The following CAPN2 variants were observed in gnomAD, a reference collection of about 807,000 sequenced individuals.
CAPN2 encodes the protein calpain 2.
CAPN2 carries 92 observed loss-of-function variants against 102.3 expected under a neutral mutation model. The observed-to-expected ratio is 0.90, with a 90% CI of 0.76 to 1.07. The LOEUF is 1.07. Ranked by LOEUF, CAPN2 falls within the 50% of genes least tolerant of loss-of-function variation. The pLI, the probability that CAPN2 is intolerant of heterozygous loss-of-function variation, is 0.00. For missense variants in CAPN2, 800 were observed against 909.4 expected, an observed-to-expected ratio of 0.88 and a Z score of 1.55; for synonymous variants, 340 against 355.4, an observed-to-expected ratio of 0.96 and a Z score of 0.49.
At chr1:223,734,681 G>A (rs1258356650) in intron 2 of CAPN2, among the ~76,000 whole-genome samples, 1 of 152,088 alleles carries the variant, frequency 6.6e-6, no homozygotes, top group Non-Finnish European at 1.5e-5. Context: ...ACTGCCAAAT[G>A]TGGCCAAGGT....
chr1:223,712,458 G>A, upstream of CAPN2: 1 of 1,138,252 alleles, frequency 8.8e-7, no homozygotes, highest in Non-Finnish European at 1.1e-6. Context: ...GAGCCCAGCA[G>A]GCCGGGAGCG....
Position 223,754,344 on chromosome 1 carries a change from C to T in CAPN2, c.1136-1136C>T, listed in dbSNP as rs750404193. On this transcript the variant is annotated intron_variant, in intron 9 of 20. Coordinates refer to ENST00000295006, the MANE Select transcript of CAPN2 (RefSeq NM_001748.5). This position sits in a 1 kb window ranked among gnomAD's most constrained non-coding sequence, Gnocchi z 4.7. ...CGCTGGGAAGGCCCTCTGCCCCCCA[C>T]AAGGGACCCCTCCTACCCACTAGAT... 3.2e-4 allele frequency among the ~76,000 whole-genome samples: 49 copies of T among 152,338 alleles called. No homozygotes were observed. The highest frequency in any genetic ancestry group is 3.4e-3 in the Middle Eastern group (1 of 294).
Position 223,757,368 on chromosome 1 carries a change from G to A in CAPN2, c.1306-1G>A, listed in dbSNP as rs762861424. 1.9e-6 allele frequency: 3 copies of A among 1,614,184 alleles called. No individual in the cohort carries two copies. The highest frequency in any genetic ancestry group is 2.5e-6 in the Non-Finnish European group (3 of 1,180,030). On this transcript the variant is annotated splice_acceptor_variant, in intron 10 of 20. Transcript: ENST00000295006. LOFTEE classifies it high-confidence loss of function. ...TGAATTGCATCTCCTTTATTTTGCA[G>A]GTTCCAGAGGAGGTACGTCTGGCCC...
At chr1:223,719,042 C>T (rs1165240733) in intron 2 of CAPN2, among the ~76,000 whole-genome samples, 1 of 152,194 alleles carries the variant, frequency 6.6e-6, no homozygotes, top group Non-Finnish European at 1.5e-5. Flanking sequence ...GAAAGTTTGT[C>T]TGAGCTCAGG....
chr1:223,714,621 TAAAAAA>T (rs373544472), intron 1 of CAPN2, among the ~76,000 whole-genome samples: 1 of 130,970 alleles, frequency 7.6e-6, no homozygotes, highest in African/African-American at 2.9e-5. Context: ...TATAAAAAAG[TAAAAAA>T]AAAAAAAAAA....
In CAPN2 at chr1:223,754,938, C is replaced by G. The variant is rs967602148; in HGVS notation, c.1136-542C>G. On this transcript the variant is annotated intron_variant, in intron 9 of 20. Coordinates refer to ENST00000295006, the MANE Select transcript of CAPN2 (RefSeq NM_001748.5). This position sits in a 1 kb window ranked among gnomAD's most constrained non-coding sequence, Gnocchi z 4.7. Reference sequence around the variant, plus strand: ...CCATGAGGGGAAGCCACAGCTCTAACCACCCTGCGTTCCAGAGTGACAGAC... The same window carrying G: ...CCATGAGGGGAAGCCACAGCTCTAAGCACCCTGCGTTCCAGAGTGACAGAC... Among the ~76,000 whole-genome samples, 2 of 152,182 alleles carry G rather than the reference C, an allele frequency of 1.3e-5. No individual in the cohort carries two copies. Among genetic ancestry groups the G allele is most frequent in the Non-Finnish European group, 2.9e-5 (2 of 68,032 alleles).
At position 223,727,717 on chromosome 1, in the gene CAPN2, C is replaced by T. The variant is rs1012962450; in HGVS notation, c.307+9886C>T. Among the ~76,000 whole-genome samples, 1 of 152,116 alleles carries T rather than the reference C, an allele frequency of 6.6e-6. No individual in the cohort carries two copies. The highest frequency in any genetic ancestry group is 2.4e-5 in the African/African-American group (1 of 41,420). On this transcript the variant is annotated intron_variant, in intron 2 of 20. Transcript: ENST00000295006. This position sits in a 1 kb window ranked among gnomAD's most constrained non-coding sequence, Gnocchi z 4.1. The stretch of plus-strand genomic sequence containing the variant: ...AGGAAAGGAGAAAACATTGCATGTA[C>T]GGGGTCAGGGCAGCATTGCTGGGAT...
intron 1 of CAPN2, among the ~76,000 whole-genome samples, chr1:223,702,535 CT>C (rs1228779159): frequency 6.6e-6 from 1 of 152,170 alleles, no homozygotes; most frequent in Non-Finnish European, 1.5e-5. Flanking sequence ...CACCATCAAA[CT>C]TCCACTAGCT....
At chr1:223,772,530 A>T in intron 20 of CAPN2, 1 of 384,440 alleles carries the variant, frequency 2.6e-6, no homozygotes, top group East Asian at 4.0e-5. Context: ...CATGCTTAGA[A>T]AAATGAACTC....
intron 2 of CAPN2, among the ~76,000 whole-genome samples, chr1:223,740,078 A>G (rs1241219412): frequency 2.0e-5 from 3 of 152,178 alleles, no homozygotes; most frequent in African/African-American, 7.2e-5. Flanking sequence ...GGGGACAGCC[A>G]AGGTTCTGGA....
Position 223,712,879 on chromosome 1 carries a change from T to G in CAPN2, c.237+2T>G. 1 of 1,522,876 alleles carries G rather than the reference T, an allele frequency of 6.6e-7. No homozygotes were observed. Among genetic ancestry groups the G allele is most frequent in the Non-Finnish European group, 8.8e-7 (1 of 1,136,614 alleles). The allele number at this position is 1,522,876 out of a possible 1,614,324, so 94.3% of individuals were successfully genotyped here. On this transcript the variant is annotated splice_donor_variant, in intron 1 of 20. Transcript: ENST00000295006. LOFTEE classifies it high-confidence loss of function. ...GGCATCGAGTGGAAGCGCCCCACGG[T>G]AGGAAGCGCGCGGCAGGACGCGGGC...
At chr1:223,729,855 T>C (rs1337777654) in intron 2 of CAPN2, among the ~76,000 whole-genome samples, 1 of 151,608 alleles carries the variant, frequency 6.6e-6, no homozygotes, top group Non-Finnish European at 1.5e-5. Context: ...ATGCAAAAAT[T>C]AACTGGGCAT....
chr1:223,730,620 G>A (rs1660315120), intron 2 of CAPN2, among the ~76,000 whole-genome samples: 1 of 152,158 alleles, frequency 6.6e-6, no homozygotes, highest in African/African-American at 2.4e-5. Context: ...CTTATTGCTA[G>A]GAAGAGTCTG....
chr1:223,704,908 G>A (rs1317636816), intron 1 of CAPN2, among the ~76,000 whole-genome samples: 1 of 152,176 alleles, frequency 6.6e-6, no homozygotes, highest in Non-Finnish European at 1.5e-5. Context: ...ATGGAGTTGG[G>A]TGACTGTCAT....
chr1:223,761,747 G>C, intron 13 of CAPN2, 130 bp downstream of exon 13: 1 of 745,184 alleles, frequency 1.3e-6, no homozygotes, highest in Non-Finnish European at 2.3e-6. Context: ...CGGGTACTGG[G>C]AATCCAAGAG....
At chr1:223,748,450 G>T (rs1304239375) in intron 5 of CAPN2, among the ~76,000 whole-genome samples, 1 of 152,242 alleles carries the variant, frequency 6.6e-6, no homozygotes, top group Admixed American at 6.5e-5. Flanking sequence ...CATCAGAATA[G>T]ATAGGGGAAA....
chr1:223,711,707 T>C (rs373694433), upstream of CAPN2, among the ~76,000 whole-genome samples: 31 of 152,234 alleles, frequency 2.0e-4, no homozygotes, highest in East Asian at 2.1e-3. Flanking sequence ...CCCTCCTGGG[T>C]TCAAGCGTTT....
chr1:223,720,488 G>T (rs1423241361), intron 2 of CAPN2, among the ~76,000 whole-genome samples: 2 of 151,674 alleles, frequency 1.3e-5, no homozygotes, highest in Non-Finnish European at 2.9e-5. Context: ...GCTAATTTTT[G>T]TATTTTTTTG....
chr1:223,738,853 G>C (rs1031217142), intron 2 of CAPN2, among the ~76,000 whole-genome samples: 4 of 152,236 alleles, frequency 2.6e-5, no homozygotes, highest in Admixed American at 2.0e-4. Flanking sequence ...AACCTGCCCC[G>C]CAGTCACGGG....
Sources: allele counts gnomAD v4.1 joint callset (sites outside exome capture counted in the v4.1 genomes callset), GRCh38; gene constraint gnomAD v4.1.1; non-coding constraint Gnocchi (gnomAD v3.1); transcripts MANE v1.5; gene names NCBI Gene and HGNC (gene_info 2026-07-23, HGNC 2026-07-21).